Variants in FHIT observed in about 807,000 individuals in gnomAD.
FHIT encodes the protein fragile histidine triad diadenosine triphosphatase.
In FHIT, 19 loss-of-function variants were observed where a neutral mutation model predicts 17.9. The observed-to-expected ratio is 1.06, with a 90% CI of 0.74 to 1.56. The LOEUF (loss-of-function observed/expected upper bound fraction) is 1.56, where lower values mean the gene tolerates loss of function less well. Among genes scored for constraint, FHIT ranks in the 40% most tolerant of loss-of-function variants. The probability of loss-of-function intolerance (pLI) is 0.00; values close to 1 mark genes in which losing one functional copy is unlikely to be tolerated. For synonymous variants in FHIT, 81 were observed against 69.7 expected, an observed-to-expected ratio of 1.16 and a Z score of -0.81; for missense variants, 248 against 189.2, an observed-to-expected ratio of 1.31 and a Z score of -1.82.
At chr3:59,808,264 G>T (rs1005281480) in intron 8 of FHIT, among the ~76,000 whole-genome samples, 5 of 152,112 alleles carry the variant, frequency 3.3e-5, no homozygotes, top group African/African-American at 1.2e-4. Flanking sequence ...TTTGAAAGGG[G>T]GCTTGGTAAT....
chr3:60,500,021 G>T (rs138405807), intron 5 of FHIT, among the ~76,000 whole-genome samples: 1 of 152,234 alleles, frequency 6.6e-6, no homozygotes, highest in African/African-American at 2.4e-5. Context: ...ATTCATTATT[G>T]TATACCTGGG....
intron 7 of FHIT, among the ~76,000 whole-genome samples, chr3:59,923,501 G>C (rs997631651): frequency 6.6e-6 from 1 of 152,032 alleles, no homozygotes; most frequent in Non-Finnish European, 1.5e-5. Context: ...GGTGAATCAG[G>C]GCTCAGAGCA....
intron 4 of FHIT, among the ~76,000 whole-genome samples, chr3:60,660,691 T>C (rs1405998900): frequency 6.7e-6 from 1 of 148,790 alleles, no homozygotes; most frequent in Non-Finnish European, 1.5e-5. Context: ...TTTGCATTTC[T>C]CTGATGGCTA....
intron 8 of FHIT, 51 bp from the exon 9 acceptor site, chr3:59,752,372 C>A: frequency 6.8e-7 from 1 of 1,462,608 alleles, no homozygotes. Flanking sequence ...TTGGGATCTC[C>A]TTGAACAAAT....
chr3:59,986,210 G>A (rs1708893478), intron 7 of FHIT, among the ~76,000 whole-genome samples: 1 of 151,632 alleles, frequency 6.6e-6, no homozygotes, highest in African/African-American at 2.4e-5. Flanking sequence ...CCAAAAACAA[G>A]GAAAGAAGAA....
intron 3 of FHIT, among the ~76,000 whole-genome samples, chr3:60,949,606 C>A (rs1362261822): frequency 6.6e-6 from 1 of 152,152 alleles, no homozygotes; most frequent in Non-Finnish European, 1.5e-5. Context: ...GCTGAATTTA[C>A]TAATTGTTTC....
chr3:59,760,702 T>G (rs1439398258), intron 8 of FHIT, among the ~76,000 whole-genome samples: 2 of 152,018 alleles, frequency 1.3e-5, no homozygotes, highest in Non-Finnish European at 2.9e-5. Flanking sequence ...ATATCAAAGG[T>G]AGTCACTTCC....
chr3:60,347,737 C>G (rs1176436443), intron 5 of FHIT, among the ~76,000 whole-genome samples: 2 of 144,364 alleles, frequency 1.4e-5, no homozygotes. Context: ...GTGTTATTTG[C>G]CCCAAACCCC....
At chr3:60,069,869 T>C (rs554329594) in intron 5 of FHIT, among the ~76,000 whole-genome samples, 2 of 152,298 alleles carry the variant, frequency 1.3e-5, no homozygotes, top group South Asian at 4.1e-4. Flanking sequence ...GATGGGTGAC[T>C]AAGATGCAGG....
chr3:60,397,657 G>A (rs774955105), intron 5 of FHIT, among the ~76,000 whole-genome samples: 8 of 152,066 alleles, frequency 5.3e-5, no homozygotes, highest in Non-Finnish European at 7.4e-5. Context: ...GACAGGAGGC[G>A]GCCAAATGCC....
At chr3:59,984,401 G>A (rs544575822) in intron 7 of FHIT, among the ~76,000 whole-genome samples, 17 of 151,866 alleles carry the variant, frequency 1.1e-4, no homozygotes, top group African/African-American at 3.6e-4. Flanking sequence ...CACTGGGGGG[G>A]GCTCTGGAAG....
At chr3:59,994,946 A>G (rs1174454967) in intron 7 of FHIT, among the ~76,000 whole-genome samples, 7 of 152,042 alleles carry the variant, frequency 4.6e-5, no homozygotes, top group African/African-American at 1.4e-4. Flanking sequence ...TGCCTAACAA[A>G]TGTTCTTGTG....
rs188578321 is a variant in FHIT, at chr3:61,020,088, T to G, written c.-111+21959A>C. ...CGGCTGGGTCAAGTGGTATTTCTTG[T>G]TCTAGATCTTTGAGGAATTGCCACA... On this transcript the variant is annotated intron_variant, in intron 3 of 9. Coordinates refer to ENST00000492590, the MANE Select transcript of FHIT (RefSeq NM_002012.4). Among the ~76,000 whole-genome samples, 51 of 152,258 alleles carry G rather than the reference T, an allele frequency of 3.3e-4. 2 individuals are homozygous for G. In the Middle Eastern group the frequency reaches 0.01, roughly 30 times the overall value.
At chr3:59,914,136 A>G (rs1237308821) in intron 8 of FHIT, among the ~76,000 whole-genome samples, 1 of 152,240 alleles carries the variant, frequency 6.6e-6, no homozygotes, top group Non-Finnish European at 1.5e-5. Flanking sequence ...ATAATTTTTA[A>G]CTCAACATTA....
chr3:60,153,382 A>T (rs1700551070), intron 5 of FHIT, among the ~76,000 whole-genome samples: 1 of 151,198 alleles, frequency 6.6e-6, no homozygotes, highest in African/African-American at 2.4e-5. Context: ...AAAAAAAAAA[A>T]AAAAGAGGAG....
chr3:60,261,667 C>A (rs898447808), intron 5 of FHIT, among the ~76,000 whole-genome samples: 1 of 151,990 alleles, frequency 6.6e-6, no homozygotes, highest in African/African-American at 2.4e-5. Context: ...GTAAACGTGC[C>A]TTCCTGACCA....
chr3:60,099,226 A>T (rs1242110878), intron 5 of FHIT, among the ~76,000 whole-genome samples: 1 of 152,068 alleles, frequency 6.6e-6, no homozygotes, highest in Non-Finnish European at 1.5e-5. Context: ...TGCTCTGTTT[A>T]CCTCTTGATA....
chr3:61,234,317 T>A (rs2040176940), intron 1 of FHIT, among the ~76,000 whole-genome samples: 1 of 152,238 alleles, frequency 6.6e-6, no homozygotes, highest in Non-Finnish European at 1.5e-5. Context: ...AATGTGATTA[T>A]GCACACGTGC....
intron 2 of FHIT, among the ~76,000 whole-genome samples, chr3:61,135,439 A>G (rs1048406391): frequency 3.3e-5 from 5 of 152,228 alleles, no homozygotes; most frequent in African/African-American, 1.2e-4. Flanking sequence ...GCAACTGTAT[A>G]TACTCATTAG....
Sources: gnomAD v4.1 joint callset for allele counts (sites outside exome capture counted in the v4.1 genomes callset) on GRCh38, gnomAD v4.1.1 for gene constraint, MANE v1.5 for transcripts, NCBI Gene and HGNC (gene_info 2026-07-23, HGNC 2026-07-21) for gene names.